Variants in RNF111 observed in about 807,000 individuals in gnomAD.
RNF111 encodes ring finger protein 111.
A neutral mutation model predicts 95.1 loss-of-function variants in RNF111; 17 were observed. The ratio of observed to expected loss-of-function variants is 0.18; its 90% CI spans 0.12 to 0.27. The LOEUF (loss-of-function observed/expected upper bound fraction) is 0.27, where lower values mean the gene tolerates loss of function less well. Ranked by LOEUF, RNF111 falls within the 10% of genes least tolerant of loss-of-function variation. The probability of loss-of-function intolerance (pLI) is 1.00; values close to 1 mark genes in which losing one functional copy is unlikely to be tolerated. For synonymous variants in RNF111, 440 were observed against 414.8 expected (o/e 1.06, Z -0.74); for missense variants, 1,189 against 1,210.4 (o/e 0.98, Z 0.26).
At chr15:59,089,582 T>G (rs989367211) in intron 10 of RNF111, 85 bp from the exon 11 acceptor site, 45 of 1,030,490 alleles carry the variant, frequency 4.4e-5, no homozygotes, top group Non-Finnish European at 6.8e-5. Context: ...TTGAAAACAT[T>G]GAGGGTCTTG....
chr15:59,016,697 G>A (rs1431271315), intron 1 of RNF111, among the ~76,000 whole-genome samples: 1 of 152,140 alleles, frequency 6.6e-6, no homozygotes, highest in South Asian at 2.1e-4. Context: ...TCTCCAAAGA[G>A]TTCTGTATAG....
intron 10 of RNF111, among the ~76,000 whole-genome samples, chr15:59,086,050 G>T (rs1398286714): frequency 1.3e-5 from 2 of 151,320 alleles, no homozygotes; most frequent in African/African-American, 4.9e-5. Context: ...CCACTGTCAG[G>T]AGTATACTGT....
chr15:59,055,687 G>A lies in RNF111; in HGVS notation c.1013G>A (p.Arg338His), dbSNP rs777979603. The A allele has an allele frequency of 1.1e-5, 17 of 1,605,448 alleles. No homozygotes were observed. Among genetic ancestry groups the A allele is most frequent in the Admixed American group, 1.7e-5 (1 of 58,848 alleles). The change falls in exon 4 of 14, where the codon CGT becomes CAT. Residue 338 changes from arginine to histidine, a missense_variant. Around this residue, in one of 2 missense-constraint regions of RNF111, gnomAD observed 1,024 missense variants for 925.9 expected, o/e 1.11. Transcript: ENST00000348370. ...IVTVGESYRS[R>H]STLGHSRSHW... ...TAATATTGATGTCATTTAAGGTCTC[G>A]TTCAACCCTTGGACACTCCAGATCT...
chr15:59,067,071 C>T lies in RNF111; in HGVS notation c.1674C>T (p.Ser558=), dbSNP rs191633171. The part of the protein sequence containing the change: ...PCGANSSSGT[S]YHEQQALPVD... ...GAGCAAATAGTAGTTCTGGTACCAG[C>T]TATCATGAACAGGTATGTGGAATTT... The change falls in exon 6 of 14, where the codon AGC becomes AGT. Residue 558 remains serine (S), a synonymous_variant. Transcript: ENST00000348370. 7 of 1,613,614 alleles carry T rather than the reference C, an allele frequency of 4.3e-6. No individual in the cohort carries two copies. The Admixed American group carries it at 8.3e-5, about 19-fold the overall frequency.
intron 2 of RNF111, among the ~76,000 whole-genome samples, chr15:59,040,627 G>T (rs2041403967): frequency 6.6e-6 from 1 of 152,046 alleles, no homozygotes; most frequent in Admixed American, 6.6e-5. Flanking sequence ...TATTTGCCTT[G>T]TCGTATATAT....
At chr15:59,051,744 C>T (rs2041993508) in intron 2 of RNF111, among the ~76,000 whole-genome samples, 1 of 151,588 alleles carries the variant, frequency 6.6e-6, no homozygotes, top group East Asian at 1.9e-4. Flanking sequence ...TGCACTCCAG[C>T]CTGGGCAACA....
At chr15:58,994,033 A>ATTTT (rs371453519) in intron 1 of RNF111, among the ~76,000 whole-genome samples, 27 of 103,108 alleles carry the variant, frequency 2.6e-4, no homozygotes, top group African/African-American at 7.5e-4. Flanking sequence ...TGTTACTTAA[A>ATTTT]TTTTTTTTTT....
At chr15:59,090,625 A>T (rs563794911) in intron 11 of RNF111, among the ~76,000 whole-genome samples, 115 of 152,344 alleles carry the variant, frequency 7.5e-4, no homozygotes, top group Middle Eastern at 6.8e-3. Flanking sequence ...GAATTATTTC[A>T]TCTTCTCCAT....
intron 6 of RNF111, among the ~76,000 whole-genome samples, chr15:59,071,560 T>A (rs1319891090): frequency 6.6e-6 from 1 of 151,380 alleles, no homozygotes; most frequent in African/African-American, 2.4e-5. Flanking sequence ...GGGCGTGGGG[T>A]CTCGTGCCTT....
rs1005423467 is a variant in RNF111 at position 59,085,856 on chromosome 15, C to T, written c.2550+71C>T. 7.9e-6 allele frequency: 10 copies of T among 1,269,638 alleles called. No homozygotes were observed. In the South Asian group the frequency reaches 1.2e-4, roughly 15 times the overall value. The allele number at this position is 1,269,638 out of a possible 1,614,324, so 78.6% of individuals were successfully genotyped here. On this transcript the variant is annotated intron_variant, in intron 10 of 13. Transcript: ENST00000348370. Reference sequence around the variant, plus strand: ...TTTTCTAAGTATTTTATTGGAAATACTTCACTATATTAATATAGATGTTTT... The same window carrying T: ...TTTTCTAAGTATTTTATTGGAAATATTTCACTATATTAATATAGATGTTTT...
rs766608280 is a variant in RNF111, at chr15:59,031,361, G to A, written c.539G>A (p.Arg180Gln). ...LNAKSRSHSA[R>Q]SHKWPRTETE... ...GCTAAAAGTAGAAGCCATAGTGCAC[G>A]GTCTCATAAGTGGCCTCGGACTGAG... The change falls in exon 2 of 14, where the codon CGG (arginine) becomes CAG (glutamine). Residue 180 changes from arginine to glutamine, a missense_variant. Arg to Gln is a conservative substitution (Grantham distance 43). Transcript: ENST00000348370. 1.1e-5 allele frequency: 18 copies of A among 1,613,980 alleles called. No homozygotes were observed. The highest frequency in any genetic ancestry group is 3.3e-5 in the South Asian group (3 of 91,074).
rs1335958789 is a variant in RNF111, at chr15:59,081,133, A to G, written c.2146A>G (p.Thr716Ala). 3 of 1,614,120 alleles carry G rather than the reference A, an allele frequency of 1.9e-6. No homozygotes were observed. The highest frequency in any genetic ancestry group is 2.5e-6 in the Non-Finnish European group (3 of 1,180,010). Residue 716 changes from threonine (T) to alanine (A), a missense_variant, in exon 8 of 14, where the codon ACA becomes GCA. Transcript: ENST00000348370. ...CCCACCACCAACTCACTTAGCCAGT[A>G]CAGCTGCACCAATCCCTCAGCATCT... ...APPPPTHLAS[T>A]AAPIPQHLPP... is the part of the protein sequence containing the mutation.
intron 1 of RNF111, among the ~76,000 whole-genome samples, chr15:58,990,271 A>C (rs1400412297): frequency 1.3e-5 from 2 of 152,142 alleles, no homozygotes; most frequent in Non-Finnish European, 1.5e-5. Context: ...GGTTTTTGGT[A>C]TTCATTGTTG....
At chr15:59,071,815 G>A (rs12912429) in intron 6 of RNF111, among the ~76,000 whole-genome samples, 47,551 of 151,970 alleles carry the variant, frequency 0.31, 7,560 homozygotes, top group Middle Eastern at 0.48. Flanking sequence ...CCTAATACAA[G>A]CATACCTTGG....
At chr15:59,056,262 T>C (rs976419839) in intron 4 of RNF111, among the ~76,000 whole-genome samples, 1 of 152,224 alleles carries the variant, frequency 6.6e-6, no homozygotes, top group Non-Finnish European at 1.5e-5. Context: ...TTAAAAATTA[T>C]GTTATCCTTC....
At position 59,026,370 on chromosome 15, in the gene RNF111, A is replaced by G. The variant is rs147537273; in HGVS notation, c.-19-4434A>G. Among the ~76,000 whole-genome samples the G allele has an allele frequency of 1.8e-3, 276 of 152,200 alleles. 1 individual carries two copies. The highest frequency in any genetic ancestry group is 0.01 in the Middle Eastern group (3 of 294). On this transcript the variant is annotated intron_variant, in intron 1 of 13. Coordinates refer to ENST00000348370, the MANE Select transcript of RNF111 (RefSeq NM_017610.8). ...GTATTCTACACTAGTATCAGGAGTA[A>G]TTAGCATGCAGTCATCATGACATAG...
At chr15:59,026,760 G>A (rs953279881) in intron 1 of RNF111, among the ~76,000 whole-genome samples, 41 of 152,034 alleles carry the variant, frequency 2.7e-4, no homozygotes, top group Non-Finnish European at 4.0e-4. Flanking sequence ...TACAGCGATG[G>A]ATTTTAGAAA....
intron 5 of RNF111, among the ~76,000 whole-genome samples, chr15:59,064,647 T>C (rs558705093): frequency 6.6e-6 from 1 of 152,234 alleles, no homozygotes; most frequent in South Asian, 2.1e-4. Context: ...TTTGTATTTT[T>C]CTTCCGTCCA....
At chr15:59,058,954 T>A (rs1341234575) in intron 5 of RNF111, among the ~76,000 whole-genome samples, 1 of 152,128 alleles carries the variant, frequency 6.6e-6, no homozygotes, top group Non-Finnish European at 1.5e-5. Context: ...ATAAGCACTT[T>A]AGAATCCAGA....
Sources: gnomAD v4.1 joint callset for allele counts (sites outside exome capture counted in the v4.1 genomes callset) on GRCh38, gnomAD v4.1.1 for gene constraint, gnomAD v4.1.1 regional missense constraint, MANE v1.5 for transcripts, NCBI Gene and HGNC (gene_info 2026-07-23, HGNC 2026-07-21) for gene names.